CHN2: variants seen among roughly 807,000 people sequenced by gnomAD.
CHN2 encodes the protein beta-chimaerin.
CHN2 carries 35 observed loss-of-function variants against 56.3 expected under a neutral mutation model. The ratio of observed to expected loss-of-function variants is 0.62; its 90% CI spans 0.47 to 0.82. CHN2 has a LOEUF of 0.82. Ranked by LOEUF, CHN2 falls within the 40% of genes least tolerant of loss-of-function variation. The pLI is 0.00. For missense variants in CHN2, 491 were observed against 580.5 expected, an observed-to-expected ratio of 0.85 and a Z score of 1.58; for synonymous variants, 210 against 212.8, an observed-to-expected ratio of 0.99 and a Z score of 0.12.
exon 2 of CHN2, chr7:29,146,860 A>T: frequency 1.3e-6 from 2 of 1,551,170 alleles, no homozygotes; most frequent in Non-Finnish European, 1.7e-6. Flanking sequence ...ACTTACTTGC[A>T]AGCCCAGGAT....
At chr7:29,413,872 G>A (rs980287667) in intron 6 of CHN2, among the ~76,000 whole-genome samples, 1 of 152,212 alleles carries the variant, frequency 6.6e-6, no homozygotes, top group East Asian at 1.9e-4. Flanking sequence ...TCGGTACTCA[G>A]TGTCCTTGTG....
At chr7:29,211,052 GTGTTT>G (rs1262844796) in intron 1 of CHN2, among the ~76,000 whole-genome samples, 2 of 94,560 alleles carry the variant, frequency 2.1e-5, no homozygotes, top group African/African-American at 8.3e-5. Context: ...TCTGACTTAG[GTGTTT>G]TGTTTTTTTT....
intron 2 of CHN2, among the ~76,000 whole-genome samples, chr7:29,162,565 G>A (rs1222613043): frequency 6.6e-6 from 1 of 151,726 alleles, no homozygotes; most frequent in Non-Finnish European, 1.5e-5. Flanking sequence ...GGAGGCTGAG[G>A]CAGGAGAATC....
intron 2 of CHN2, among the ~76,000 whole-genome samples, chr7:29,178,860 C>T (rs1006821419): frequency 1.3e-5 from 2 of 152,138 alleles, no homozygotes; most frequent in Non-Finnish European, 2.9e-5. Flanking sequence ...GGGTTTGCCA[C>T]AAATTTGACC....
At chr7:29,209,342 A>T (rs1784755754) in intron 1 of CHN2, among the ~76,000 whole-genome samples, 1 of 152,208 alleles carries the variant, frequency 6.6e-6, no homozygotes, top group African/African-American at 2.4e-5. Flanking sequence ...TCATAGTCAA[A>T]AAGCTTATTA....
chr7:29,449,998 C>T (rs908012660), intron 6 of CHN2, among the ~76,000 whole-genome samples: 11 of 152,140 alleles, frequency 7.2e-5, no homozygotes, highest in East Asian at 1.9e-4. Flanking sequence ...CTCTGAGTTC[C>T]GTGAAGTGGC....
intron 6 of CHN2, among the ~76,000 whole-genome samples, chr7:29,413,708 G>A (rs181735301): frequency 4.6e-5 from 7 of 152,272 alleles, no homozygotes; most frequent in African/African-American, 1.4e-4. Context: ...GTCATTTCAC[G>A]AACAGCCAGT....
intron 1 of CHN2, among the ~76,000 whole-genome samples, chr7:29,293,478 G>T (rs1364378797): frequency 6.6e-6 from 1 of 150,982 alleles, no homozygotes; most frequent in Non-Finnish European, 1.5e-5. Context: ...TGCTCCTCTG[G>T]CTTCCACAAA....
At chr7:29,336,434 ACT>A in intron 1 of CHN2, among the ~76,000 whole-genome samples, 1 of 151,908 alleles carries the variant, frequency 6.6e-6, no homozygotes, top group African/African-American at 2.4e-5. Context: ...ACACAGTAAG[ACT>A]CTGTCTCTAC....
chr7:29,265,059 G>C (rs1414122585), intron 1 of CHN2, among the ~76,000 whole-genome samples: 1 of 152,148 alleles, frequency 6.6e-6, no homozygotes, highest in Non-Finnish European at 1.5e-5. Context: ...ACTTTATGTT[G>C]AGTAAATGGG....
chr7:29,210,263 A>G (rs1444277663), intron 1 of CHN2, among the ~76,000 whole-genome samples: 1 of 152,160 alleles, frequency 6.6e-6, no homozygotes, highest in South Asian at 2.1e-4. Context: ...AGCCTGTAAG[A>G]CATGAGGACT....
chr7:29,238,273 C>T (rs954328101), intron 1 of CHN2, among the ~76,000 whole-genome samples: 1 of 152,104 alleles, frequency 6.6e-6, no homozygotes, highest in African/African-American at 2.4e-5. Flanking sequence ...CTGCCTTGGC[C>T]TCCCAAAGTG....
intron 1 of CHN2, among the ~76,000 whole-genome samples, chr7:29,333,886 G>T (rs1796405601): frequency 6.6e-6 from 1 of 151,908 alleles, no homozygotes; most frequent in South Asian, 2.1e-4. Flanking sequence ...GGTGAGAAAA[G>T]GTAGATGATG....
At chr7:29,392,375 G>A (rs1801435015) in intron 3 of CHN2, among the ~76,000 whole-genome samples, 1 of 152,126 alleles carries the variant, frequency 6.6e-6, no homozygotes, top group Admixed American at 6.5e-5. Context: ...CAGATAACCA[G>A]GTGCCTTTTT....
intron 2 of CHN2, among the ~76,000 whole-genome samples, chr7:29,169,614 C>G (rs886880556): frequency 6.6e-6 from 1 of 152,088 alleles, no homozygotes; most frequent in Non-Finnish European, 1.5e-5. Flanking sequence ...TTGGCTTTTT[C>G]TACCTATTCT....
chr7:29,303,416 G>A (rs750440656), intron 1 of CHN2, among the ~76,000 whole-genome samples: 9 of 152,126 alleles, frequency 5.9e-5, no homozygotes, highest in African/African-American at 1.9e-4. Context: ...CCAAGCAGAC[G>A]TATCCACCCT....
chr7:29,211,978 A>G (rs1430305800), intron 1 of CHN2, among the ~76,000 whole-genome samples: 1 of 152,202 alleles, frequency 6.6e-6, no homozygotes, highest in Non-Finnish European at 1.5e-5. Flanking sequence ...CAATGATCGC[A>G]TCATAGCCTG....
At chr7:29,325,170 A>G (rs563457652) in intron 1 of CHN2, among the ~76,000 whole-genome samples, 28 of 152,308 alleles carry the variant, frequency 1.8e-4, no homozygotes, top group Non-Finnish European at 3.7e-4. Context: ...CCTTTTAAAA[A>G]TTGTAGGCAT....
intron 1 of CHN2, among the ~76,000 whole-genome samples, chr7:29,263,095 A>T (rs950592030): frequency 1.3e-5 from 2 of 151,942 alleles, no homozygotes; most frequent in Admixed American, 1.3e-4. Context: ...GCTGGACTGT[A>T]CTGCCGCCAT....
Sources: gnomAD v4.1 joint callset for allele counts (sites outside exome capture counted in the v4.1 genomes callset) on GRCh38, gnomAD v4.1.1 for gene constraint, MANE v1.5 for transcripts, NCBI Gene and HGNC (gene_info 2026-07-23, HGNC 2026-07-21) for gene names.